The following NELL1 variants were observed in gnomAD, a reference collection of about 807,000 sequenced individuals.
NELL1 encodes the protein protein kinase C-binding protein NELL1.
Under a neutral mutation model 107.4 loss-of-function variants are expected in NELL1, and 76 were observed. That is an observed-to-expected ratio of 0.71 (90% CI 0.59 to 0.86). NELL1 has a LOEUF of 0.86. Ranked by LOEUF, NELL1 falls within the 40% of genes least tolerant of loss-of-function variation. The pLI is 0.00. For missense variants in NELL1, 1,024 were observed against 1,005.5 expected (o/e 1.02, Z -0.25); for synonymous variants, 353 against 341.2 (o/e 1.03, Z -0.38).
intron 12 of NELL1, among the ~76,000 whole-genome samples, chr11:20,988,394 TATAC>T (rs1851895605): frequency 6.6e-6 from 1 of 151,094 alleles, no homozygotes. Context: ...TGTGTATATA[TATAC>T]ATATCTATAT....
chr11:21,427,896 T>G (rs898162312), intron 15 of NELL1, among the ~76,000 whole-genome samples: 1 of 152,166 alleles, frequency 6.6e-6, no homozygotes, highest in Non-Finnish European at 1.5e-5. Flanking sequence ...CCACTGCAAC[T>G]TCCCAGTAAT....
chr11:21,315,093 G>A (rs1565163424), intron 14 of NELL1, among the ~76,000 whole-genome samples: 1 of 152,130 alleles, frequency 6.6e-6, no homozygotes, highest in Non-Finnish European at 1.5e-5. Context: ...CTGACCTCAG[G>A]TGATCCGTCT....
intron 15 of NELL1, among the ~76,000 whole-genome samples, chr11:21,437,816 G>A (rs1853164564): frequency 6.6e-6 from 1 of 152,132 alleles, no homozygotes. Context: ...CTTGTAGGCA[G>A]CATATTTGGG....
At chr11:20,918,149 T>C (rs1336475899) in intron 5 of NELL1, 33 bp from the exon 6 acceptor site, 1 of 1,281,494 alleles carries the variant, frequency 7.8e-7, no homozygotes, top group East Asian at 2.3e-5. Context: ...GTGACTGTAA[T>C]CTTGATTGCC....
chr11:20,803,579 C>T (rs76534022), intron 3 of NELL1, among the ~76,000 whole-genome samples: 7 of 152,228 alleles, frequency 4.6e-5, no homozygotes, highest in Admixed American at 1.3e-4. Flanking sequence ...TTCTTTACAT[C>T]TACTAACTTT....
intron 13 of NELL1, among the ~76,000 whole-genome samples, chr11:21,180,437 G>C (rs570209013): frequency 6.6e-6 from 1 of 151,872 alleles, no homozygotes; most frequent in East Asian, 1.9e-4. Context: ...TTTACACAGA[G>C]ATTCTCTTTT....
At chr11:21,400,537 T>G (rs1015939154) in intron 15 of NELL1, among the ~76,000 whole-genome samples, 2 of 151,822 alleles carry the variant, frequency 1.3e-5, no homozygotes, top group Non-Finnish European at 2.9e-5. Context: ...TCTACCATCT[T>G]GTATATTCAC....
Position 20,942,589 on chromosome 11 carries a change from A to G in NELL1, c.1071+4730A>G, listed in dbSNP as rs1273108795. 2.6e-5 allele frequency among the ~76,000 whole-genome samples: 4 copies of G among 152,186 alleles called. No individual in the cohort carries two copies. The East Asian group carries it at 7.7e-4, about 29-fold the overall frequency. ...ATAAAACACATGGAGAACTTAGTAG[A>G]GTGCTTACCACAAAGACCATCCTCA... On this transcript the variant is annotated intron_variant, in intron 10 of 19. Coordinates refer to ENST00000357134, the MANE Select transcript of NELL1 (RefSeq NM_006157.5).
At chr11:21,428,579 T>A (rs943726497) in intron 15 of NELL1, among the ~76,000 whole-genome samples, 3 of 152,184 alleles carry the variant, frequency 2.0e-5, no homozygotes, top group Non-Finnish European at 4.4e-5. Flanking sequence ...ATTGTCTTGC[T>A]TTACTCAAAA....
At chr11:20,940,131 C>T (rs1233841477) in intron 10 of NELL1, among the ~76,000 whole-genome samples, 2 of 152,078 alleles carry the variant, frequency 1.3e-5, no homozygotes, top group Non-Finnish European at 2.9e-5. Context: ...AGAGACTTCT[C>T]TCTGTGTCTC....
chr11:20,697,591 C>T lies in NELL1; in HGVS notation c.184+19531C>T, dbSNP rs760644262. 2.6e-5 allele frequency among the ~76,000 whole-genome samples: 4 copies of T among 152,064 alleles called. 1 individual carries two copies. Among genetic ancestry groups the T allele is most frequent in the South Asian group, 4.1e-4 (2 of 4,826 alleles). Reference sequence around the variant, plus strand: ...TGTTTGCCTTCTAGGCTTTGAGCTACATGTTGTGGAAGACCTAGATGAATA... The same window carrying T: ...TGTTTGCCTTCTAGGCTTTGAGCTATATGTTGTGGAAGACCTAGATGAATA... On this transcript the variant is annotated intron_variant, in intron 2 of 19. Coordinates refer to ENST00000357134, the MANE Select transcript of NELL1 (RefSeq NM_006157.5).
intron 15 of NELL1, among the ~76,000 whole-genome samples, chr11:21,388,202 G>T (rs188509252): frequency 1.3e-5 from 2 of 151,556 alleles, no homozygotes; most frequent in African/African-American, 4.8e-5. Flanking sequence ...AGATGACATT[G>T]TAATACCTGT....
Position 21,138,314 on chromosome 11 carries a change from A to T in NELL1, c.1426+24600A>T, listed in dbSNP as rs559527532. ...GAAGTTCCATCATTACCCACCTACT[A>T]GATATGATGACACTCATAATGATAT... is the stretch of plus-strand genomic sequence containing the variant. On this transcript the variant is annotated intron_variant, in intron 13 of 19. Transcript: ENST00000357134. 2.8e-4 allele frequency among the ~76,000 whole-genome samples: 43 copies of T among 152,290 alleles called. No homozygotes were observed. In the East Asian group the frequency reaches 6.9e-3, roughly 25 times the overall value.
At chr11:21,477,645 A>G (rs550498857) in intron 15 of NELL1, among the ~76,000 whole-genome samples, 3 of 152,054 alleles carry the variant, frequency 2.0e-5, no homozygotes, top group Non-Finnish European at 4.4e-5. Context: ...CCCAAAAACA[A>G]TGAACATCCA....
chr11:21,409,555 C>T (rs1852324459), intron 15 of NELL1, among the ~76,000 whole-genome samples: 1 of 151,436 alleles, frequency 6.6e-6, no homozygotes, highest in Middle Eastern at 3.4e-3. Context: ...ATATTGTGCA[C>T]ATGTACCCTA....
chr11:20,684,364 G>T lies in NELL1; in HGVS notation c.184+6304G>T, dbSNP rs992700669. Among the ~76,000 whole-genome samples the T allele has an allele frequency of 6.6e-5, 10 of 151,884 alleles. No homozygotes were observed. The East Asian group carries it at 1.2e-3, about 18-fold the overall frequency. ...TCATTTCCATTGTTATGCCTTCAAG[G>T]TTACGAAACTTCTGTATTATCTGTC... On this transcript the variant is annotated intron_variant, in intron 2 of 19. Coordinates refer to ENST00000357134, the MANE Select transcript of NELL1 (RefSeq NM_006157.5).
intron 15 of NELL1, among the ~76,000 whole-genome samples, chr11:21,464,028 C>T (rs1350689964): frequency 6.6e-6 from 1 of 152,040 alleles, no homozygotes; most frequent in Non-Finnish European, 1.5e-5. Flanking sequence ...AAAGCATGGT[C>T]GCCTAAGGGT....
intron 12 of NELL1, among the ~76,000 whole-genome samples, chr11:20,964,455 T>A (rs563980033): frequency 6.6e-6 from 1 of 152,216 alleles, no homozygotes; most frequent in Non-Finnish European, 1.5e-5. Context: ...CAGAGTGTTT[T>A]AAATTTTTCA....
chr11:21,174,357 T>A (rs1856668602), intron 13 of NELL1, among the ~76,000 whole-genome samples: 2 of 152,046 alleles, frequency 1.3e-5, no homozygotes, highest in Non-Finnish European at 1.5e-5. Context: ...TCTAACATTT[T>A]AAGCTTTTTC....
Sources: gnomAD v4.1 joint callset for allele counts (sites outside exome capture counted in the v4.1 genomes callset) on GRCh38, gnomAD v4.1.1 for gene constraint, MANE v1.5 for transcripts, NCBI Gene and HGNC (gene_info 2026-07-23, HGNC 2026-07-21) for gene names.